The following RBCK1 variants were observed in gnomAD, a reference collection of about 807,000 sequenced individuals.
The protein encoded by RBCK1 is ranBP-type and C3HC4-type zinc finger-containing protein 1.
In RBCK1, 44 loss-of-function variants were observed where a neutral mutation model predicts 71.1. That is an observed-to-expected ratio of 0.62 (90% CI 0.49 to 0.80). The LOEUF (loss-of-function observed/expected upper bound fraction) is 0.80. Among genes scored for constraint, RBCK1 ranks in the 30% least tolerant of loss-of-function variants. RBCK1 has a pLI of 0.00. For synonymous variants in RBCK1, 306 were observed against 279.7 expected (o/e 1.09, Z -0.94); for missense variants, 569 against 685.0 (o/e 0.83, Z 1.89).
chr20:424,670 A>C (rs1259699242), intron 8 of RBCK1, among the ~76,000 whole-genome samples: 2 of 152,096 alleles, frequency 1.3e-5, no homozygotes, highest in African/African-American at 4.8e-5. Flanking sequence ...CAGTCATTCC[A>C]TATGTCCCCA....
chr20:419,535 C>G (rs1188342873), intron 5 of RBCK1, 23 bp from the exon 6 acceptor site: 1 of 1,606,036 alleles, frequency 6.2e-7, no homozygotes, highest in East Asian at 2.2e-5. Flanking sequence ...CCCAGTCGGG[C>G]TCACAGCACC....
chr20:414,077 C>T (rs922881385), intron 2 of RBCK1, among the ~76,000 whole-genome samples: 1 of 147,472 alleles, frequency 6.8e-6, no homozygotes, highest in Non-Finnish European at 1.5e-5. Flanking sequence ...TCATGATTAT[C>T]GATGTGGTTC....
Position 409,681 on chromosome 20 carries a change from T to C in RBCK1, c.23-200T>C. 7.2e-6 allele frequency: 5 copies of C among 690,316 alleles called. No homozygotes were observed. The South Asian group carries it at 1.1e-4, about 15-fold the overall frequency. The allele number at this position is 690,316 out of a possible 1,614,324, so 42.8% of individuals were successfully genotyped here. ...AGGACAAACAACCAAATGAGCCTAG[T>C]GTGAGGAGGAGTGGGGAATATTAGA... On this transcript the variant is annotated intron_variant, in intron 1 of 11. Coordinates refer to ENST00000356286, the MANE Select transcript of RBCK1 (RefSeq NM_031229.4).
chr20:428,120 T>C lies in RBCK1; in HGVS notation c.1210-371T>C, dbSNP rs1341107043. Among the ~76,000 whole-genome samples the C allele has an allele frequency of 2.0e-5, 3 of 152,196 alleles. No individual in the cohort carries two copies. Among genetic ancestry groups the C allele is most frequent in the Non-Finnish European group, 2.9e-5 (2 of 68,030 alleles). ...AGACTCAGCCTGAGCAAGCTCAGTC[T>C]GGGGTCATTGGGCCTGTAACCCCGG... is the stretch of plus-strand genomic sequence containing the variant. On this transcript the variant is annotated intron_variant, in intron 9 of 11. Transcript: ENST00000356286. The surrounding 1 kb of genome is among the most constrained non-coding windows in gnomAD (Gnocchi z 5.7).
rs2016034524 is a variant in RBCK1 at position 417,117 on chromosome 20, T to C, written c.168-409T>C. On this transcript the variant is annotated intron_variant, in intron 2 of 11. Coordinates refer to ENST00000356286, the MANE Select transcript of RBCK1 (RefSeq NM_031229.4). This position sits in a 1 kb window ranked among gnomAD's most constrained non-coding sequence, Gnocchi z 4.7. ...TGTAAAACAGGGATACAGCAGTACC[T>C]GTCTGATGGGTTGGTTGAGAGGATT... 1 of 456,172 alleles carries C rather than the reference T, an allele frequency of 2.2e-6. No homozygotes were observed. The highest frequency in any genetic ancestry group is 7.0e-5 in the East Asian group (1 of 14,380). The allele number at this position is 456,172 out of a possible 1,614,324, so 28.3% of individuals were successfully genotyped here. A position where few individuals can be genotyped will look rare whatever the true frequency, so the allele number is the denominator to read the frequency against.
rs1681935242 is a variant in RBCK1 at position 428,107 on chromosome 20, A to G, written c.1210-384A>G. ...GGAGCCTGGTCTCAGACTCAGCCTG[A>G]GCAAGCTCAGTCTGGGGTCATTGGG... On this transcript the variant is annotated intron_variant, in intron 9 of 11. Coordinates refer to ENST00000356286, the MANE Select transcript of RBCK1 (RefSeq NM_031229.4). The surrounding 1 kb of genome is among the most constrained non-coding windows in gnomAD (Gnocchi z 5.7). 6.6e-6 allele frequency among the ~76,000 whole-genome samples: 1 copy of G among 152,164 alleles called. No individual in the cohort carries two copies. Among genetic ancestry groups the G allele is most frequent in the African/African-American group, 2.4e-5 (1 of 41,432 alleles).
Position 408,605 on chromosome 20 carries a change from G to A in RBCK1, c.-153G>A. 2 of 914,224 alleles carry A rather than the reference G, an allele frequency of 2.2e-6. No homozygotes were observed. Among genetic ancestry groups the A allele is most frequent in the Non-Finnish European group, 3.5e-6 (2 of 578,950 alleles). 56.6% of individuals were successfully genotyped at this position (914,224 alleles called of 1,614,324 possible). ...AGTGTGATGCTTCCCGACTGCCGCGGGGACAGCGAGGCACACACAGGGCTT... is the reference window on the plus strand; with the variant it reads ...AGTGTGATGCTTCCCGACTGCCGCGAGGACAGCGAGGCACACACAGGGCTT... On this transcript the variant is annotated 5_prime_UTR_variant, in exon 1 of 12. Coordinates refer to ENST00000356286, the MANE Select transcript of RBCK1 (RefSeq NM_031229.4).
chr20:411,974 G>A (rs936524597), intron 2 of RBCK1, among the ~76,000 whole-genome samples: 3 of 152,172 alleles, frequency 2.0e-5, no homozygotes. Context: ...GTGTGGACAC[G>A]TTTTCATTTC....
In RBCK1 at chr20:409,929, A is replaced by C. The variant is rs773247812; in HGVS notation, c.71A>C (p.Glu24Ala). 8.7e-6 allele frequency: 14 copies of C among 1,613,920 alleles called. No individual in the cohort carries two copies. In the Middle Eastern group the frequency reaches 4.9e-4, roughly 57 times the overall value. ...ACCCGAGCAGTGGCGGGCGGGGATG[A>C]ACAGGTGGCAATGAAGTGTGCCATC... ...SLTRAVAGGD[E>A]QVAMKCAIWL... is the part of the protein sequence containing the mutation. Residue 24 changes from glutamate (E) to alanine (A), a missense_variant, in exon 2 of 12, where the codon GAA becomes GCA. This residue lies in a region of RBCK1 where 358 missense variants were observed against 375.6 expected (regional missense o/e 0.95). Coordinates refer to ENST00000356286, the MANE Select transcript of RBCK1 (RefSeq NM_031229.4).
intron 1 of RBCK1, among the ~76,000 whole-genome samples, chr20:409,327 G>A (rs2015556496): frequency 6.6e-6 from 1 of 152,114 alleles, no homozygotes; most frequent in African/African-American, 2.4e-5. Context: ...CCTTCCACCT[G>A]GACCACTCTT....
In RBCK1 at chr20:429,055, G is replaced by T; in HGVS notation, c.1413G>T (p.Glu471Asp). ...TCCGCTGCACCGTCTGCCACACCGA[G>T]ATCTGCTGGGTCACCAAGGGCCCAC... ...DWIRCTVCHTEICWVTKGPRW... is the reference protein window; with the variant it reads ...DWIRCTVCHTDICWVTKGPRW... The change falls in exon 11 of 12, where the codon GAG (glutamate) becomes GAT (aspartate). Residue 471 changes from glutamate to aspartate, a missense_variant. Around this residue, in one of 2 missense-constraint regions of RBCK1, gnomAD observed 211 missense variants for 309.4 expected, o/e 0.68. Transcript: ENST00000356286. 6.2e-7 allele frequency: 1 copy of T among 1,613,134 alleles called. No homozygotes were observed. Among genetic ancestry groups the T allele is most frequent in the Non-Finnish European group, 8.5e-7 (1 of 1,179,934 alleles).
rs909682858 is a variant in RBCK1, at chr20:409,940, A to G, written c.82A>G (p.Met28Val). The change falls in exon 2 of 12, where the codon ATG becomes GTG. Residue 28 changes from methionine to valine, a missense_variant. Coordinates refer to ENST00000356286, the MANE Select transcript of RBCK1 (RefSeq NM_031229.4). ...AVAGGDEQVAMKCAIWLAEQR... is the reference protein window; with the variant it reads ...AVAGGDEQVAVKCAIWLAEQR... ...GGCGGGCGGGGATGAACAGGTGGCA[A>G]TGAAGTGTGCCATCTGGCTGGCAGA... is the stretch of plus-strand genomic sequence containing the variant. The G allele has an allele frequency of 6.8e-6, 11 of 1,614,094 alleles. No individual in the cohort carries two copies. In the East Asian group the frequency reaches 1.3e-4, roughly 20 times the overall value.
intron 2 of RBCK1, chr20:410,411 G>T: frequency 1.3e-6 from 1 of 779,588 alleles, no homozygotes. Flanking sequence ...TTCATTCCCA[G>T]ATTCCTCATG....
Position 428,677 on chromosome 20 carries a change from A to T in RBCK1, c.1308+88A>T. ...GGGCTTCCCAGTAAGGGCTGTGCTC[A>T]CACATCCCTGGAGGCTCTGACCTCC... On this transcript the variant is annotated intron_variant, in intron 10 of 11. Coordinates refer to ENST00000356286, the MANE Select transcript of RBCK1 (RefSeq NM_031229.4). This position sits in a 1 kb window ranked among gnomAD's most constrained non-coding sequence, Gnocchi z 5.7. 2.1e-6 allele frequency: 3 copies of T among 1,404,614 alleles called. No individual in the cohort carries two copies. Among genetic ancestry groups the T allele is most frequent in the Non-Finnish European group, 1.9e-6 (2 of 1,044,844 alleles). 87.0% of individuals were successfully genotyped at this position (1,404,614 alleles called of 1,614,324 possible).
intron 2 of RBCK1, among the ~76,000 whole-genome samples, chr20:416,387 C>T: frequency 6.6e-6 from 1 of 151,914 alleles, no homozygotes; most frequent in Middle Eastern, 3.2e-3. Context: ...GTCTCGATCT[C>T]CTGACCTCGT....
chr20:420,285 C>T (rs986793162), intron 6 of RBCK1: 110 of 984,780 alleles, frequency 1.1e-4, no homozygotes, highest in Non-Finnish European at 1.3e-4. Flanking sequence ...CTTAGCCCTA[C>T]CCCGCCCCCA....
rs2015518141 is a variant in RBCK1, at chr20:408,728, C to G, written c.-30C>G. 1 of 1,612,104 alleles carries G rather than the reference C, an allele frequency of 6.2e-7. No individual in the cohort carries two copies. The highest frequency in any genetic ancestry group is 8.5e-7 in the Non-Finnish European group (1 of 1,179,482). Reference sequence around the variant, plus strand: ...TAGCATTTCCCAGGAGGCACGGTCCCCCCCAGGGGGATGGGCACAGCCACG... The same window carrying G: ...TAGCATTTCCCAGGAGGCACGGTCCGCCCCAGGGGGATGGGCACAGCCACG... On this transcript the variant is annotated 5_prime_UTR_variant, in exon 1 of 12. Transcript: ENST00000356286.
rs1431404280 is a variant in RBCK1 at position 420,887 on chromosome 20, A to G, written c.773A>G (p.Gln258Arg). ...RQYQQRKQQQ[Q>R]EGNYLQHVQL... ...TGTGCCCAGCGGAAGCAGCAGCAGC[A>G]GGAGGGGAACTACCTGCAGCACGTC... Residue 258 changes from glutamine (Q) to arginine (R), a missense_variant, in exon 7 of 12, where the codon CAG becomes CGG. Physicochemically the swap from Gln to Arg is conservative, Grantham distance 43. Coordinates refer to ENST00000356286, the MANE Select transcript of RBCK1 (RefSeq NM_031229.4). The G allele has an allele frequency of 2.6e-6, 4 of 1,549,624 alleles. No individual in the cohort carries two copies. In the South Asian group the frequency reaches 3.6e-5, roughly 14 times the overall value.
Position 417,582 on chromosome 20 carries a change from T to C in RBCK1, c.224T>C (p.Val75Ala). 1.2e-6 allele frequency: 2 copies of C among 1,614,020 alleles called. No homozygotes were observed. The highest frequency in any genetic ancestry group is 1.1e-5 in the South Asian group (1 of 91,086). Residue 75 changes from valine (V) to alanine (A), a missense_variant, in exon 3 of 12, where the codon GTG becomes GCG. Around this residue, in one of 2 missense-constraint regions of RBCK1, gnomAD observed 358 missense variants for 375.6 expected, o/e 0.95. Transcript: ENST00000356286. The surrounding 1 kb of genome is among the most constrained non-coding windows in gnomAD (Gnocchi z 4.7). ...QMHTVTIWLTVRPDMTVASLK... is the reference protein window; with the variant it reads ...QMHTVTIWLTARPDMTVASLK... ...CACACCGTCACCATCTGGCTCACAGTGCGCCCTGATATGACAGTGGCGTCT... is the reference window on the plus strand; with the variant it reads ...CACACCGTCACCATCTGGCTCACAGCGCGCCCTGATATGACAGTGGCGTCT...
Sources: allele counts gnomAD v4.1 joint callset (sites outside exome capture counted in the v4.1 genomes callset), GRCh38; gene constraint gnomAD v4.1.1; regional missense constraint gnomAD v4.1.1; non-coding constraint Gnocchi (gnomAD v3.1); transcripts MANE v1.5; gene names NCBI Gene and HGNC (gene_info 2026-07-23, HGNC 2026-07-21).